TSG101: variants seen among roughly 807,000 people sequenced by gnomAD.
The protein encoded by TSG101 is tumor susceptibility 101.
A neutral mutation model predicts 48.5 loss-of-function variants in TSG101; 19 were observed. That is an observed-to-expected ratio of 0.39 (90% CI 0.27 to 0.58). The LOEUF (loss-of-function observed/expected upper bound fraction) is 0.58, where lower values mean the gene tolerates loss of function less well. Ranked by LOEUF, TSG101 falls within the 20% of genes least tolerant of loss-of-function variation. The pLI, the probability that TSG101 is intolerant of heterozygous loss-of-function variation, is 0.55. For missense variants in TSG101, 365 were observed against 484.4 expected (o/e 0.75, Z 2.31); for synonymous variants, 174 against 169.4 (o/e 1.03, Z -0.21).
intron 7 of TSG101, among the ~76,000 whole-genome samples, chr11:18,499,402 A>ATT (rs1160424288): frequency 5.5e-4 from 3 of 5,456 alleles, no homozygotes; most frequent in African/African-American, 1.5e-3. Context: ...ATATATATAT[A>ATT]TTTTTTTTTT....
At chr11:18,526,654 G>A in intron 1 of TSG101, 121 bp downstream of exon 1, 2 of 1,238,396 alleles carry the variant, frequency 1.6e-6, no homozygotes, top group East Asian at 2.6e-5. Flanking sequence ...AGGTCGCTAA[G>A]GACTGCACCG....
At chr11:18,483,731 A>C (rs1442574168) in intron 8 of TSG101, 139 bp downstream of exon 8, 1 of 884,244 alleles carries the variant, frequency 1.1e-6, no homozygotes, top group East Asian at 2.5e-5. Context: ...AAAGGTATAA[A>C]AAATTACATT....
At position 18,480,424 on chromosome 11, in the gene TSG101, A is replaced by G. The variant is rs1667579722; in HGVS notation, c.*122T>C. On this transcript the variant is annotated 3_prime_UTR_variant, in exon 10 of 10. Transcript: ENST00000251968. ...ACCAAAAGAAAACAGAAAATATATT[A>G]TTGATTCAAAATATTTTACACTTGA... The G allele has an allele frequency of 1.4e-6, 1 of 717,026 alleles. No individual in the cohort carries two copies. The highest frequency in any genetic ancestry group is 2.2e-6 in the Non-Finnish European group (1 of 449,436). 44.4% of individuals were successfully genotyped at this position (717,026 alleles called of 1,614,324 possible).
chr11:18,502,831 A>G (rs2133919097), intron 6 of TSG101, among the ~76,000 whole-genome samples: 1 of 152,328 alleles, frequency 6.6e-6, no homozygotes, highest in African/African-American at 2.4e-5. Flanking sequence ...TAGCAGCGGA[A>G]ATGTAACTAG....
chr11:18,517,185 C>CAT (rs937972749), intron 2 of TSG101, among the ~76,000 whole-genome samples: 1 of 142,172 alleles, frequency 7.0e-6, no homozygotes, highest in Non-Finnish European at 1.5e-5. Flanking sequence ...CCATGCCCAG[C>CAT]TTTTTTTTTT....
chr11:18,498,320 T>C (rs1228235339), intron 7 of TSG101, among the ~76,000 whole-genome samples: 1 of 152,142 alleles, frequency 6.6e-6, no homozygotes, highest in Non-Finnish European at 1.5e-5. Flanking sequence ...TGATACAATT[T>C]ATTTATATTT....
At chr11:18,518,816 A>G (rs957308883) in intron 2 of TSG101, among the ~76,000 whole-genome samples, 3 of 152,132 alleles carry the variant, frequency 2.0e-5, no homozygotes, top group African/African-American at 7.2e-5. Flanking sequence ...GGCTCTGATA[A>G]ATCTTCATGC....
chr11:18,509,549 T>C lies in TSG101; in HGVS notation c.474A>G (p.Pro158=), dbSNP rs373888257. The change falls in exon 5 of 10, where the codon CCA becomes CCG. Residue 158 remains proline, a synonymous_variant. Coordinates refer to ENST00000251968, the MANE Select transcript of TSG101 (RefSeq NM_006292.4). ...ASYPPYQATG[P]PNTSYMPGMP... Reference sequence around the variant, plus strand: ...AATCTCAATTCTACTTACTATTTGGTGGCCCCGTTGCCTGGTATGGCGGAT... The same window carrying C: ...AATCTCAATTCTACTTACTATTTGGCGGCCCCGTTGCCTGGTATGGCGGAT... 1 of 1,613,006 alleles carries C rather than the reference T, an allele frequency of 6.2e-7. No individual in the cohort carries two copies. Among genetic ancestry groups the C allele is most frequent in the African/African-American group, 1.3e-5 (1 of 74,912 alleles).
intron 6 of TSG101, among the ~76,000 whole-genome samples, chr11:18,504,988 C>G (rs916984329): frequency 1.1e-4 from 16 of 152,136 alleles, no homozygotes; most frequent in African/African-American, 3.9e-4. Flanking sequence ...CTTACCTATC[C>G]AAAGTGACAG....
intron 7 of TSG101, among the ~76,000 whole-genome samples, chr11:18,491,589 CTG>C (rs1180975857): frequency 6.6e-6 from 1 of 152,178 alleles, no homozygotes; most frequent in East Asian, 1.9e-4. Context: ...CTATTTTAAT[CTG>C]TATCTTTTGC....
chr11:18,510,782 C>G (rs1198803831), intron 4 of TSG101, among the ~76,000 whole-genome samples: 1 of 152,010 alleles, frequency 6.6e-6, no homozygotes, highest in African/African-American at 2.4e-5. Flanking sequence ...ATTAACTGTA[C>G]ATGGTGGCAT....
At chr11:18,522,962 T>A (rs565212545) in intron 1 of TSG101, among the ~76,000 whole-genome samples, 1 of 152,340 alleles carries the variant, frequency 6.6e-6, no homozygotes, top group South Asian at 2.1e-4. Flanking sequence ...TGATCACAGC[T>A]CACTGCAACC....
intron 6 of TSG101, among the ~76,000 whole-genome samples, chr11:18,506,349 A>G (rs1849971072): frequency 6.6e-6 from 1 of 151,106 alleles, no homozygotes; most frequent in Non-Finnish European, 1.5e-5. Context: ...GTTATAATGA[A>G]TTCAGCCAAG....
At chr11:18,510,373 A>T (rs1444707920) in intron 4 of TSG101, among the ~76,000 whole-genome samples, 1 of 152,178 alleles carries the variant, frequency 6.6e-6, no homozygotes, top group Admixed American at 6.5e-5. Flanking sequence ...GTGAGCTGAG[A>T]TCACACCACT....
rs11024692 is a variant in TSG101 at position 18,510,444 on chromosome 11, T to C, written c.358-779A>G. Among the ~76,000 whole-genome samples, 903 of 152,198 alleles carry C rather than the reference T, an allele frequency of 5.9e-3. 9 individuals carry two copies. Among genetic ancestry groups the C allele is most frequent in the African/African-American group, 0.021 (869 of 41,526 alleles). ...TCAAAACAAACAAACAAAAAAATTATACGTAGATTCTAGCTTAGAAATTGC... is the reference window on the plus strand; with the variant it reads ...TCAAAACAAACAAACAAAAAAATTACACGTAGATTCTAGCTTAGAAATTGC... On this transcript the variant is annotated intron_variant, in intron 4 of 9. Transcript: ENST00000251968.
rs1850311535 is a variant in TSG101 at position 18,523,375 on chromosome 11, T to C, written c.42+3400A>G. On this transcript the variant is annotated intron_variant, in intron 1 of 9. Transcript: ENST00000251968. ...CCAACGTACTTCTTGATGTATTTAT[T>C]GAGTTGTTTATTGCCTTCTATAAGA... Among the ~76,000 whole-genome samples the C allele has an allele frequency of 3.3e-5, 5 of 152,358 alleles. No homozygotes were observed. In the South Asian group the frequency reaches 1.0e-3, roughly 32 times the overall value.
At chr11:18,525,315 A>G (rs1282095077) in intron 1 of TSG101, among the ~76,000 whole-genome samples, 2 of 151,998 alleles carry the variant, frequency 1.3e-5, no homozygotes, top group Non-Finnish European at 2.9e-5. Flanking sequence ...GGGAAGCCAA[A>G]GCGGTGGATC....
At chr11:18,526,648 C>G (rs1395320) in intron 1 of TSG101, 127 bp downstream of exon 1, 413,621 of 1,137,122 alleles carry the variant, frequency 0.36, 80,324 homozygotes, top group East Asian at 0.7. Flanking sequence ...CTGAGGAGGT[C>G]GCTAAGGACT....
At position 18,523,812 on chromosome 11, in the gene TSG101, T is replaced by C. The variant is rs147713562; in HGVS notation, c.42+2963A>G. 5.9e-3 allele frequency among the ~76,000 whole-genome samples: 902 copies of C among 152,340 alleles called. 9 individuals carry two copies. Among genetic ancestry groups the C allele is most frequent in the African/African-American group, 0.021 (870 of 41,584 alleles). ...CCATTGCACCTGGCCAATTTTGTTATAGTTTAAAATGTTTATTTTTTACTT... is the reference window on the plus strand; with the variant it reads ...CCATTGCACCTGGCCAATTTTGTTACAGTTTAAAATGTTTATTTTTTACTT... On this transcript the variant is annotated intron_variant, in intron 1 of 9. Coordinates refer to ENST00000251968, the MANE Select transcript of TSG101 (RefSeq NM_006292.4).
Sources: allele counts gnomAD v4.1 joint callset (sites outside exome capture counted in the v4.1 genomes callset), GRCh38; gene constraint gnomAD v4.1.1; transcripts MANE v1.5; gene names NCBI Gene and HGNC (gene_info 2026-07-23, HGNC 2026-07-21).